TM2D1: variants seen among roughly 807,000 people sequenced by gnomAD.
The protein encoded by TM2D1 is TM2 domain-containing protein 1.
A neutral mutation model predicts 28.4 loss-of-function variants in TM2D1; 15 were observed. That is an observed-to-expected ratio of 0.53 (90% confidence interval 0.35 to 0.81). The LOEUF (loss-of-function observed/expected upper bound fraction) is 0.81, where lower values mean the gene tolerates loss of function less well. TM2D1 is among the 40% of genes least tolerant of loss of function. TM2D1 has a pLI of 0.01. For synonymous variants in TM2D1, 93 were observed against 96.2 expected (o/e 0.97, Z 0.20); for missense variants, 236 against 254.9 (o/e 0.93, Z 0.50).
chr1:61,688,047 T>C (rs1644295908), intron 5 of TM2D1, among the ~76,000 whole-genome samples: 1 of 152,240 alleles, frequency 6.6e-6, no homozygotes, highest in Non-Finnish European at 1.5e-5. Flanking sequence ...TCCTACACAG[T>C]GCCAGAATTT....
chr1:61,722,385 CAG>C (rs974459363), intron 2 of TM2D1, among the ~76,000 whole-genome samples: 18 of 152,132 alleles, frequency 1.2e-4, no homozygotes, highest in African/African-American at 4.1e-4. Flanking sequence ...TTTTCCGCCC[CAG>C]AGACAGAGTC....
At chr1:61,691,102 T>A (rs536517013) in intron 5 of TM2D1, among the ~76,000 whole-genome samples, 6 of 152,310 alleles carry the variant, frequency 3.9e-5, no homozygotes, top group African/African-American at 1.4e-4. Flanking sequence ...CCTCCACATA[T>A]CCTCATCTTT....
At chr1:61,689,548 T>A (rs1265488085) in intron 5 of TM2D1, among the ~76,000 whole-genome samples, 2 of 152,080 alleles carry the variant, frequency 1.3e-5, no homozygotes. Context: ...TTTTTAAAAA[T>A]TTTTTGTAGA....
intron 3 of TM2D1, among the ~76,000 whole-genome samples, chr1:61,702,694 T>C (rs1173520743): frequency 6.6e-6 from 1 of 151,596 alleles, no homozygotes; most frequent in African/African-American, 2.4e-5. Context: ...CTTACCTATA[T>C]AATATATATA....
At chr1:61,683,251 G>A (rs1644260413) in intron 6 of TM2D1, 166 bp downstream of exon 6, 1 of 298,408 alleles carries the variant, frequency 3.4e-6, no homozygotes, top group Non-Finnish European at 6.2e-6. Context: ...AAGGAGCCAT[G>A]AGCGTGGACT....
chr1:61,703,724 A>T (rs1305748764), intron 3 of TM2D1, among the ~76,000 whole-genome samples: 3 of 9,716 alleles, frequency 3.1e-4, no homozygotes, highest in East Asian at 7.9e-3. Context: ...ATCTTTATAT[A>T]TATATATATA....
intron 3 of TM2D1, among the ~76,000 whole-genome samples, chr1:61,703,948 G>A (rs1644423149): frequency 6.8e-6 from 1 of 147,528 alleles, no homozygotes; most frequent in Non-Finnish European, 1.5e-5. Context: ...GTAAGACGGG[G>A]TTTCACCATG....
At chr1:61,709,477 T>G (rs751474942) in intron 2 of TM2D1, 40 bp from the exon 3 acceptor site, 2 of 1,423,458 alleles carry the variant, frequency 1.4e-6, no homozygotes, top group Non-Finnish European at 2.0e-6. Context: ...ATTTTTTTTT[T>G]CTGGAGAAAC....
Position 61,694,779 on chromosome 1 carries a change from G to C in TM2D1, c.440-9C>G. On this transcript the variant is annotated splice_polypyrimidine_tract_variant and intron_variant, in intron 4 of 6. Coordinates refer to ENST00000606498, the MANE Select transcript of TM2D1 (RefSeq NM_032027.3). ...GCAAAACTTTAACAAACCTAGAAAA[G>C]AAGGTAAAGTCATTTATAATCTGGA... The C allele has an allele frequency of 2.5e-6, 4 of 1,578,974 alleles. No homozygotes were observed. The highest frequency in any genetic ancestry group is 1.7e-4 in the Middle Eastern group (1 of 5,936).
chr1:61,713,755 C>G (rs541529092), intron 2 of TM2D1, among the ~76,000 whole-genome samples: 1 of 152,030 alleles, frequency 6.6e-6, no homozygotes, highest in African/African-American at 2.4e-5. Flanking sequence ...CTTAAAGAGA[C>G]AGTTGCAATA....
intron 3 of TM2D1, among the ~76,000 whole-genome samples, chr1:61,703,718 TTATA>T (rs56267637): frequency 0.11 from 10,564 of 98,622 alleles, 707 homozygotes; most frequent in South Asian, 0.19. Context: ...TAGCCAATCT[TTATA>T]TATATATATA....
At chr1:61,686,880 G>A (rs996347302) in intron 5 of TM2D1, 6 of 933,010 alleles carry the variant, frequency 6.4e-6, no homozygotes, top group African/African-American at 5.4e-5. Flanking sequence ...TTATGATCAC[G>A]CCACTGCACT....
chr1:61,709,515 A>G, intron 2 of TM2D1, 78 bp from the exon 3 acceptor site: 1 of 1,006,668 alleles, frequency 9.9e-7, no homozygotes, highest in East Asian at 2.5e-5. Flanking sequence ...AGACTAGCAA[A>G]TATGTTATAA....
Position 61,683,566 on chromosome 1 carries a change from A to G in TM2D1, c.514-20T>C. ...AACAATCTAGAAGAGACAAAATTTCAAAATTATTCATTTTACAAAAGATAT... is the reference window on the plus strand; with the variant it reads ...AACAATCTAGAAGAGACAAAATTTCGAAATTATTCATTTTACAAAAGATAT... On this transcript the variant is annotated intron_variant, in intron 5 of 6. Coordinates refer to ENST00000606498, the MANE Select transcript of TM2D1 (RefSeq NM_032027.3). The G allele has an allele frequency of 8.8e-7, 1 of 1,132,572 alleles. No homozygotes were observed. The highest frequency in any genetic ancestry group is 2.8e-5 in the East Asian group (1 of 35,678). The allele number at this position is 1,132,572 out of a possible 1,614,324, so 70.2% of individuals were successfully genotyped here.
At chr1:61,722,560 G>T (rs1054116998) in intron 2 of TM2D1, among the ~76,000 whole-genome samples, 2 of 152,042 alleles carry the variant, frequency 1.3e-5, no homozygotes, top group African/African-American at 2.4e-5. Context: ...GTAGAGACGG[G>T]GTTTCACCAT....
intron 3 of TM2D1, among the ~76,000 whole-genome samples, chr1:61,702,372 A>C (rs1644408327): frequency 6.7e-6 from 1 of 149,158 alleles, no homozygotes; most frequent in Non-Finnish European, 1.5e-5. Flanking sequence ...ATTCAATTTT[A>C]TTTCTTTTTT....
At chr1:61,694,096 T>C (rs1161478409) in intron 5 of TM2D1, 4 of 152,216 alleles carry the variant, frequency 2.6e-5, no homozygotes, top group Admixed American at 2.0e-4. Context: ...CATTTGTTTA[T>C]ACATATCTGT....
At chr1:61,682,081 T>C (rs1644248687) in intron 6 of TM2D1, among the ~76,000 whole-genome samples, 1 of 152,192 alleles carries the variant, frequency 6.6e-6, no homozygotes, top group Admixed American at 6.5e-5. Flanking sequence ...TGACAATAAC[T>C]ACAAGGCATA....
At chr1:61,684,558 G>A (rs1196377246) in intron 5 of TM2D1, among the ~76,000 whole-genome samples, 1 of 152,038 alleles carries the variant, frequency 6.6e-6, no homozygotes. Context: ...TTACTCAAAG[G>A]TCCAAAAATA....
Sources: allele counts gnomAD v4.1 joint callset (sites outside exome capture counted in the v4.1 genomes callset), GRCh38; gene constraint gnomAD v4.1.1; transcripts MANE v1.5; gene names NCBI Gene and HGNC (gene_info 2026-07-23, HGNC 2026-07-21).